SGCD: variants seen among roughly 807,000 people sequenced by gnomAD.
The protein encoded by SGCD is sarcoglycan delta.
In SGCD, 18 loss-of-function variants were observed where a neutral mutation model predicts 36.6. The ratio of observed to expected loss-of-function variants is 0.49; its 90% CI spans 0.34 to 0.73. The LOEUF is 0.73. SGCD is among the 30% of genes least tolerant of loss of function. The pLI is 0.01. For missense variants in SGCD, 387 were observed against 346.7 expected, an observed-to-expected ratio of 1.12 and a Z score of -0.92; for synonymous variants, 133 against 130.6, an observed-to-expected ratio of 1.02 and a Z score of -0.12.
At chr5:156,015,476 C>T (rs1385546844) in intron 1 of SGCD, among the ~76,000 whole-genome samples, 1 of 151,732 alleles carries the variant, frequency 6.6e-6, no homozygotes, top group African/African-American at 2.4e-5. Flanking sequence ...TTCAAGAAGC[C>T]CTGGTTCTAT....
chr5:156,629,134 A>G (rs1428871108), intron 6 of SGCD, among the ~76,000 whole-genome samples: 2 of 152,256 alleles, frequency 1.3e-5, no homozygotes, highest in Non-Finnish European at 2.9e-5. Context: ...ATAAAATAGT[A>G]TAGGTAAAGT....
At chr5:156,250,386 T>G (rs1358682750) in intron 3 of SGCD, among the ~76,000 whole-genome samples, 2 of 152,346 alleles carry the variant, frequency 1.3e-5, no homozygotes, top group East Asian at 3.9e-4. Context: ...GGCTTCAATT[T>G]AATTATGTCA....
At chr5:156,302,096 C>G (rs980202399) in intron 3 of SGCD, among the ~76,000 whole-genome samples, 1 of 152,136 alleles carries the variant, frequency 6.6e-6, no homozygotes, top group African/African-American at 2.4e-5. Flanking sequence ...AATAAACTTT[C>G]TACGGCTATC....
chr5:156,032,109 T>C (rs1448956859), intron 1 of SGCD, among the ~76,000 whole-genome samples: 2 of 152,090 alleles, frequency 1.3e-5, no homozygotes, highest in Non-Finnish European at 2.9e-5. Flanking sequence ...TAGATCACAC[T>C]ATATGGCTTA....
At chr5:156,304,706 G>T (rs1767156725) in intron 3 of SGCD, among the ~76,000 whole-genome samples, 1 of 152,194 alleles carries the variant, frequency 6.6e-6, no homozygotes, top group Non-Finnish European at 1.5e-5. Flanking sequence ...AGGCTCTGAA[G>T]AAGACTGGAA....
At chr5:155,869,177 T>A (rs1755582930), upstream of SGCD, among the ~76,000 whole-genome samples, 2 of 152,168 alleles carry the variant, frequency 1.3e-5, no homozygotes, top group South Asian at 4.1e-4. Context: ...GAATTTCATC[T>A]CCCTTTCTTG....
chr5:156,683,907 G>A (rs1490324079), intron 7 of SGCD, among the ~76,000 whole-genome samples: 1 of 152,192 alleles, frequency 6.6e-6, no homozygotes, highest in Non-Finnish European at 1.5e-5. Context: ...ACTTTCAGGA[G>A]TTTAAGATTA....
chr5:155,786,019 A>G, the SGCD span, among the ~76,000 whole-genome samples: 1 of 152,190 alleles, frequency 6.6e-6, no homozygotes, highest in Admixed American at 6.5e-5. Context: ...CTTGTCATTC[A>G]TGACAACATC....
At chr5:155,889,570 A>C (rs1248061990) in intron 1 of SGCD, among the ~76,000 whole-genome samples, 1 of 152,230 alleles carries the variant, frequency 6.6e-6, no homozygotes, top group Non-Finnish European at 1.5e-5. Context: ...AGATAGGAGA[A>C]TTGTTCATTT....
chr5:156,464,171 A>G (rs1479665747), intron 3 of SGCD, among the ~76,000 whole-genome samples: 1 of 152,090 alleles, frequency 6.6e-6, no homozygotes, highest in East Asian at 1.9e-4. Context: ...CTTGCCCCCA[A>G]ATCACACCAC....
intron 3 of SGCD, among the ~76,000 whole-genome samples, chr5:156,220,067 C>A (rs930685092): frequency 6.6e-6 from 1 of 152,132 alleles, no homozygotes; most frequent in Non-Finnish European, 1.5e-5. Flanking sequence ...CATATCTACA[C>A]GTAGCTACTT....
the SGCD span, among the ~76,000 whole-genome samples, chr5:155,771,969 T>C: frequency 1.3e-5 from 2 of 152,208 alleles, no homozygotes; most frequent in African/African-American, 4.8e-5. Flanking sequence ...AAGATATAAT[T>C]GAGAAGTTTC....
chr5:156,086,779 T>C (rs568970328), intron 1 of SGCD, among the ~76,000 whole-genome samples: 21 of 152,308 alleles, frequency 1.4e-4, no homozygotes, highest in African/African-American at 4.8e-4. Flanking sequence ...CATTTTGCTA[T>C]TAAGAAGCTA....
At chr5:155,810,400 G>T in the SGCD span, among the ~76,000 whole-genome samples, 60 of 151,942 alleles carry the variant, frequency 3.9e-4, no homozygotes, top group Admixed American at 1.6e-3. Context: ...AAGATATTTT[G>T]CCCTAGAAGG....
intron 4 of SGCD, among the ~76,000 whole-genome samples, chr5:156,522,095 A>C (rs1581113297): frequency 6.6e-6 from 1 of 152,284 alleles, no homozygotes; most frequent in East Asian, 1.9e-4. Flanking sequence ...TATCACAAGG[A>C]CAGAAAACCA....
chr5:155,957,905 A>G (rs1417285821), intron 1 of SGCD, among the ~76,000 whole-genome samples: 3 of 152,120 alleles, frequency 2.0e-5, no homozygotes, highest in Non-Finnish European at 1.5e-5. Flanking sequence ...ATTCACAGTA[A>G]CATACAAGGC....
At chr5:156,288,021 T>A (rs1464541292) in intron 3 of SGCD, among the ~76,000 whole-genome samples, 1 of 152,192 alleles carries the variant, frequency 6.6e-6, no homozygotes, top group Admixed American at 6.5e-5. Flanking sequence ...GAATACATTC[T>A]CAAAACATTC....
intron 3 of SGCD, among the ~76,000 whole-genome samples, chr5:156,351,244 T>C (rs2127722448): frequency 1.3e-5 from 2 of 152,322 alleles, no homozygotes; most frequent in East Asian, 1.9e-4. Context: ...ATAAACTTAA[T>C]ATCTACCCAT....
chr5:156,608,616 A>G (rs1353393502), intron 6 of SGCD, among the ~76,000 whole-genome samples: 1 of 152,036 alleles, frequency 6.6e-6, no homozygotes, highest in Non-Finnish European at 1.5e-5. Context: ...TTTCTGTCTC[A>G]TTGATCTGTC....
Sources: gnomAD v4.1 joint callset for allele counts (sites outside exome capture counted in the v4.1 genomes callset) on GRCh38, gnomAD v4.1.1 for gene constraint, MANE v1.5 for transcripts, NCBI Gene and HGNC (gene_info 2026-07-23, HGNC 2026-07-21) for gene names.